TSPAN3: variants seen among roughly 807,000 people sequenced by gnomAD.
TSPAN3 encodes tetraspanin-3.
In TSPAN3, 9 loss-of-function variants were observed where a neutral mutation model predicts 31.1. The observed-to-expected ratio is 0.29, with a 90% confidence interval of 0.17 to 0.50. The LOEUF (loss-of-function observed/expected upper bound fraction) is 0.50, where lower values mean the gene tolerates loss of function less well. TSPAN3 is among the 20% of genes least tolerant of loss of function. TSPAN3 has a pLI of 0.98. For missense variants in TSPAN3, 252 were observed against 313.5 expected (o/e 0.80, Z 1.48); for synonymous variants, 129 against 114.3 (o/e 1.13, Z -0.82).
At chr15:77,067,425 A>AT (rs1225261398) in intron 1 of TSPAN3, among the ~76,000 whole-genome samples, 1 of 152,220 alleles carries the variant, frequency 6.6e-6, no homozygotes, top group Non-Finnish European at 1.5e-5. Flanking sequence ...CAGAATCAGG[A>AT]TATCAAGACA....
At position 77,045,024 on chromosome 15, in the gene TSPAN3, C is replaced by T. The variant is rs1568536253; in HGVS notation, c.*1811G>A. On this transcript the variant is annotated 3_prime_UTR_variant, in exon 7 of 7. Transcript: ENST00000267970. ...TGTGAAAAGGAGTTAGTTTTTACTCCTCTCCTTTCCCGTGTCTTCTCCATT... is the reference window on the plus strand; with the variant it reads ...TGTGAAAAGGAGTTAGTTTTTACTCTTCTCCTTTCCCGTGTCTTCTCCATT... The T allele has an allele frequency of 2.6e-5, 4 of 152,152 alleles. No homozygotes were observed. Among genetic ancestry groups the T allele is most frequent in the South Asian group, 4.1e-4 (2 of 4,822 alleles). The allele number at this position is 152,152 out of a possible 1,614,324, so 9.4% of individuals were successfully genotyped here.
chr15:77,066,911 G>A (rs142665427), intron 1 of TSPAN3, among the ~76,000 whole-genome samples: 38 of 152,254 alleles, frequency 2.5e-4, no homozygotes, highest in African/African-American at 8.2e-4. Flanking sequence ...TCAAGGGGCC[G>A]TAGCTGGTCA....
At chr15:77,056,754 C>T (rs1002353226) in intron 1 of TSPAN3, among the ~76,000 whole-genome samples, 1 of 152,150 alleles carries the variant, frequency 6.6e-6, no homozygotes, top group Admixed American at 6.5e-5. Context: ...AAGCATGATA[C>T]CCACCCCACT....
intron 1 of TSPAN3, chr15:77,063,843 T>C (rs982945052): frequency 6.6e-6 from 1 of 152,214 alleles, no homozygotes; most frequent in Non-Finnish European, 1.5e-5. Context: ...TTCCAGACAG[T>C]AGGGCTCCAG....
In TSPAN3 at chr15:77,056,176, A is replaced by C. The variant is rs758033544; in HGVS notation, c.143T>G (p.Val48Gly). 9 of 1,613,848 alleles carry C rather than the reference A, an allele frequency of 5.6e-6. No individual in the cohort carries two copies. The highest frequency in any genetic ancestry group is 7.6e-6 in the Non-Finnish European group (9 of 1,179,970). The change falls in exon 2 of 7, where the codon GTG becomes GGG. Residue 48 changes from valine to glycine, a missense_variant. By Grantham distance (109) the Val-to-Gly change is moderately radical. Transcript: ENST00000267970. ...CACTACAGCAGGGATGAGCGTGTAC[A>C]CATCTTCAAAGAAGTGGTCATAGTC... ...YDDYDHFFEDVYTLIPAVVII... is the reference protein window; with the variant it reads ...YDDYDHFFEDGYTLIPAVVII...
chr15:77,066,983 G>T lies in TSPAN3; in HGVS notation c.63+3909C>A, dbSNP rs201556981. Among the ~76,000 whole-genome samples the T allele has an allele frequency of 2.6e-3, 395 of 152,234 alleles. 10 individuals are homozygous for T. The East Asian group carries it at 0.065, about 25-fold the overall frequency. On this transcript the variant is annotated intron_variant, in intron 1 of 6. Transcript: ENST00000267970. ...CACACGTGGTGAGGGGGCTGAGTAT[G>T]CTGGCTCACGTCTCTCTGCCTCTTC...
intron 1 of TSPAN3, among the ~76,000 whole-genome samples, chr15:77,057,069 G>C (rs1278235852): frequency 2.0e-5 from 3 of 152,184 alleles, no homozygotes; most frequent in Admixed American, 1.3e-4. Flanking sequence ...ACAAGTGATA[G>C]GTGTGTCTTA....
At chr15:77,052,512 G>T in intron 5 of TSPAN3, 44 bp from the exon 6 acceptor site, 2 of 1,575,866 alleles carry the variant, frequency 1.3e-6, no homozygotes, top group Non-Finnish European at 1.7e-6. Context: ...TTCTTTAAAA[G>T]TTAAAGCTGC....
At chr15:77,068,062 G>T in intron 1 of TSPAN3, 1 of 152,198 alleles carries the variant, frequency 6.6e-6, no homozygotes, top group Non-Finnish European at 1.5e-5. Flanking sequence ...GTTTAGCACA[G>T]TGCCTGGGGT....
At chr15:77,069,837 T>G (rs551052926) in intron 1 of TSPAN3, 1 of 152,414 alleles carries the variant, frequency 6.6e-6, no homozygotes, top group East Asian at 1.9e-4. Flanking sequence ...CTGGCGACTG[T>G]GGACAGAGCA....
intron 6 of TSPAN3, among the ~76,000 whole-genome samples, chr15:77,048,837 T>A (rs1412600787): frequency 6.6e-6 from 1 of 152,152 alleles, no homozygotes; most frequent in African/African-American, 2.4e-5. Flanking sequence ...AAAAACTGAC[T>A]GGCAAAGTAA....
rs185158565 is a variant in TSPAN3 at position 77,054,216 on chromosome 15, C to T, written c.394G>A (p.Asp132Asn). 5.6e-6 allele frequency: 9 copies of T among 1,614,014 alleles called. No homozygotes were observed. The highest frequency in any genetic ancestry group is 3.3e-5 in the Admixed American group (2 of 60,026). ...TAATCAATAGCCCGGCTAGCAGCAT[C>T]AGGGTTGGTTCCATTGTAGGTCTTA... is the stretch of plus-strand genomic sequence containing the variant. ...VYKTYNGTNP[D>N]AASRAIDYVQ... Residue 132 changes from aspartate to asparagine, a missense_variant, in exon 4 of 7, where the codon GAT (aspartate) becomes AAT (asparagine). Transcript: ENST00000267970.
chr15:77,054,054 G>C, intron 4 of TSPAN3, 124 bp downstream of exon 4: 1 of 618,044 alleles, frequency 1.6e-6, no homozygotes, highest in Non-Finnish European at 2.8e-6. Context: ...GAAAAATATT[G>C]GTCACATCAG....
In TSPAN3 at chr15:77,041,648, G is replaced by C. The variant is rs1377038946; in HGVS notation, c.*5187C>G. On this transcript the variant is annotated 3_prime_UTR_variant, in exon 7 of 7. Transcript: ENST00000267970. ...GACCCACCTGTCTCGACCTCCCAAA[G>C]TGCTATGATTACAGGCATGAGCCAC... 1 of 152,136 alleles carries C rather than the reference G, an allele frequency of 6.6e-6. No individual in the cohort carries two copies. The highest frequency in any genetic ancestry group is 2.4e-5 in the African/African-American group (1 of 41,420). 9.4% of individuals were successfully genotyped at this position (152,136 alleles called of 1,614,324 possible).
chr15:77,051,772 C>A (rs1297913465), intron 6 of TSPAN3, among the ~76,000 whole-genome samples: 1 of 151,788 alleles, frequency 6.6e-6, no homozygotes, highest in African/African-American at 2.4e-5. Flanking sequence ...GCAGGAGGAT[C>A]GCTTGAGCCC....
chr15:77,048,970 AT>A (rs1474230969), intron 6 of TSPAN3, among the ~76,000 whole-genome samples: 4 of 152,186 alleles, frequency 2.6e-5, no homozygotes, highest in Non-Finnish European at 5.9e-5. Context: ...ACCTATCAAA[AT>A]TCATTCATAC....
At chr15:77,058,338 G>C (rs1374427392) in intron 1 of TSPAN3, among the ~76,000 whole-genome samples, 4 of 152,268 alleles carry the variant, frequency 2.6e-5, no homozygotes, top group Admixed American at 2.6e-4. Flanking sequence ...GAACAATATA[G>C]AACTGTTATA....
chr15:77,070,360 G>A lies in TSPAN3; in HGVS notation c.63+532C>T, dbSNP rs533014741. Reference sequence around the variant, plus strand: ...CTCGAGTTGAAACCCTTCATTTTCTGGGCTGGTGACAGTCAGCCGGTTCTC... The same window carrying A: ...CTCGAGTTGAAACCCTTCATTTTCTAGGCTGGTGACAGTCAGCCGGTTCTC... On this transcript the variant is annotated intron_variant, in intron 1 of 6. Coordinates refer to ENST00000267970, the MANE Select transcript of TSPAN3 (RefSeq NM_005724.6). Among the ~76,000 whole-genome samples the A allele has an allele frequency of 2.0e-5, 3 of 152,284 alleles. No individual in the cohort carries two copies. In the East Asian group the frequency reaches 5.8e-4, roughly 29 times the overall value.
At position 77,045,347 on chromosome 15, in the gene TSPAN3, C is replaced by A. The variant is rs1372309582; in HGVS notation, c.*1488G>T. ...CCTGCTGCCCACTGCTAAGCTCTCT[C>A]AACTGCTATGCCAGCCTAACTGAAG... On this transcript the variant is annotated 3_prime_UTR_variant, in exon 7 of 7. Transcript: ENST00000267970. 1 of 152,490 alleles carries A rather than the reference C, an allele frequency of 6.6e-6. No homozygotes were observed. The highest frequency in any genetic ancestry group is 2.4e-5 in the African/African-American group (1 of 41,440). 9.4% of individuals were successfully genotyped at this position (152,490 alleles called of 1,614,324 possible).
Sources: gnomAD v4.1 joint callset for allele counts (sites outside exome capture counted in the v4.1 genomes callset) on GRCh38, gnomAD v4.1.1 for gene constraint, MANE v1.5 for transcripts, NCBI Gene and HGNC (gene_info 2026-07-23, HGNC 2026-07-21) for gene names.